The following NME7 variants were observed in gnomAD, a reference collection of about 807,000 sequenced individuals.
NME7 encodes the protein nucleoside diphosphate kinase 7.
Under a neutral mutation model 49.1 loss-of-function variants are expected in NME7, and 41 were observed. That is an observed-to-expected ratio of 0.83 (90% CI 0.65 to 1.08). The LOEUF (loss-of-function observed/expected upper bound fraction) is 1.08. Ranked by LOEUF, NME7 falls within the 50% of genes least tolerant of loss-of-function variation. The probability of loss-of-function intolerance (pLI) is 0.00; values close to 1 mark genes in which losing one functional copy is unlikely to be tolerated. For synonymous variants in NME7, 139 were observed against 150.6 expected (o/e 0.92, Z 0.56); for missense variants, 423 against 463.4 (o/e 0.91, Z 0.80).
intron 5 of NME7, among the ~76,000 whole-genome samples, chr1:169,302,592 C>A (rs973357724): frequency 6.6e-6 from 1 of 152,008 alleles, no homozygotes; most frequent in Admixed American, 6.6e-5. Flanking sequence ...ATGGCAACAA[C>A]AGACACTGGG....
At chr1:169,342,915 A>ATATATATACAAGTACATATATATAGTGTG in intron 1 of NME7, among the ~76,000 whole-genome samples, 1 of 93,886 alleles carries the variant, frequency 1.1e-5, no homozygotes, top group South Asian at 3.0e-4. Context: ...TATATAGTGT[A>ATATATATACAAGTACATATATATAGTGTG]TATATATATA....
At chr1:169,337,206 C>T (rs1427718000) in intron 1 of NME7, among the ~76,000 whole-genome samples, 1 of 152,216 alleles carries the variant, frequency 6.6e-6, no homozygotes, top group South Asian at 2.1e-4. Context: ...GGCTGCAGGT[C>T]CCGAGCCGTG....
chr1:169,243,313 A>AACT (rs1422669374), intron 7 of NME7, among the ~76,000 whole-genome samples: 1 of 152,230 alleles, frequency 6.6e-6, no homozygotes, highest in Non-Finnish European at 1.5e-5. Flanking sequence ...CAAACTCAGT[A>AACT]AAGTTAGGAA....
At position 169,259,969 on chromosome 1, in the gene NME7, C is replaced by G. The variant is rs909072977; in HGVS notation, c.755-22282G>C. ...TAGAAGACTACCCTCCCTTTGATAA[C>G]AAGGCTGTTCTTCAATAACCACCAT... is the stretch of plus-strand genomic sequence containing the variant. On this transcript the variant is annotated intron_variant, in intron 7 of 11. Transcript: ENST00000367811. Among the ~76,000 whole-genome samples, 3 of 133,186 alleles carry G rather than the reference C, an allele frequency of 2.3e-5. 1 individual carries two copies. Among genetic ancestry groups the G allele is most frequent in the Non-Finnish European group, 5.3e-5 (3 of 56,608 alleles). The allele number at this position is 133,186 out of a possible 152,430, so 87.4% of individuals were successfully genotyped here.
intron 7 of NME7, among the ~76,000 whole-genome samples, chr1:169,266,912 A>G (rs1210929233): frequency 7.6e-6 from 1 of 132,224 alleles, no homozygotes. Flanking sequence ...TATTAATAAT[A>G]TAAAAATTAG....
At chr1:169,250,596 A>C (rs1307471370) in intron 7 of NME7, among the ~76,000 whole-genome samples, 1 of 151,834 alleles carries the variant, frequency 6.6e-6, no homozygotes, top group African/African-American at 2.4e-5. Flanking sequence ...CAGATTTTTT[A>C]ATGTAGGTAT....
chr1:169,164,221 A>C (rs1159629713), intron 11 of NME7, among the ~76,000 whole-genome samples: 7 of 152,172 alleles, frequency 4.6e-5, no homozygotes, highest in Non-Finnish European at 8.8e-5. Flanking sequence ...ACTGTTATAG[A>C]GTCTTCTCTA....
At chr1:169,232,782 G>GA (rs1408178424) in intron 9 of NME7, among the ~76,000 whole-genome samples, 2 of 151,378 alleles carry the variant, frequency 1.3e-5, no homozygotes, top group East Asian at 1.9e-4. Context: ...TAGGCAGAAG[G>GA]AAAAAAATGC....
chr1:169,300,297 T>C (rs1194895902), intron 5 of NME7, among the ~76,000 whole-genome samples: 1 of 152,152 alleles, frequency 6.6e-6, no homozygotes. Context: ...AAAGTGTATA[T>C]AGCTATTCTA....
chr1:169,257,725 A>G (rs564974857), intron 7 of NME7, among the ~76,000 whole-genome samples: 1 of 134,476 alleles, frequency 7.4e-6, no homozygotes, highest in Non-Finnish European at 1.7e-5. Flanking sequence ...GAGCTGGTCT[A>G]GTAGTAACAA....
chr1:169,303,049 A>G, intron 5 of NME7, 96 bp downstream of exon 5: 2 of 757,264 alleles, frequency 2.6e-6, no homozygotes, highest in Middle Eastern at 2.4e-4. Flanking sequence ...CCCTTTTGAC[A>G]GATTATTCTC....
chr1:169,307,921 A>G (rs991584043), intron 4 of NME7, among the ~76,000 whole-genome samples: 2 of 151,750 alleles, frequency 1.3e-5, no homozygotes, highest in African/African-American at 4.8e-5. Flanking sequence ...TTGGGAGGCC[A>G]AGGCAGGAGA....
At position 169,264,854 on chromosome 1, in the gene NME7, A is replaced by G. The variant is rs1247460856; in HGVS notation, c.754+22449T>C. Among the ~76,000 whole-genome samples, 13 of 133,396 alleles carry G rather than the reference A, an allele frequency of 9.7e-5. 3 individuals carry two copies. Among genetic ancestry groups the G allele is most frequent in the Admixed American group, 7.4e-4 (10 of 13,574 alleles). The allele number at this position is 133,396 out of a possible 152,430, so 87.5% of individuals were successfully genotyped here. On this transcript the variant is annotated intron_variant, in intron 7 of 11. Transcript: ENST00000367811. Reference sequence around the variant, plus strand: ...GTCCGTACTCATGCTGCTAATAAAGACATATCTGAGACCGGGTAATTTATA... The same window carrying G: ...GTCCGTACTCATGCTGCTAATAAAGGCATATCTGAGACCGGGTAATTTATA...
chr1:169,293,514 T>G (rs894599724), intron 6 of NME7, among the ~76,000 whole-genome samples: 4 of 152,166 alleles, frequency 2.6e-5, no homozygotes, highest in African/African-American at 9.7e-5. Context: ...TTGGGTCATC[T>G]CTTGAGCACT....
chr1:169,236,040 C>G (rs1001848562), intron 8 of NME7, among the ~76,000 whole-genome samples: 3 of 151,834 alleles, frequency 2.0e-5, no homozygotes, highest in Non-Finnish European at 2.9e-5. Flanking sequence ...GAAATTTCTG[C>G]CAATATGGAC....
At chr1:169,238,398 C>T (rs909335133) in intron 7 of NME7, among the ~76,000 whole-genome samples, 1 of 150,370 alleles carries the variant, frequency 6.7e-6, no homozygotes, top group Non-Finnish European at 1.5e-5. Flanking sequence ...TTTGAGATTC[C>T]ATTTGTTTCC....
chr1:169,326,312 T>C (rs902600009), intron 1 of NME7, among the ~76,000 whole-genome samples: 4 of 152,148 alleles, frequency 2.6e-5, no homozygotes, highest in Non-Finnish European at 5.9e-5. Context: ...ACAAAGTAGC[T>C]CACAGCAAAC....
chr1:169,170,782 C>T (rs1357634080), intron 10 of NME7, among the ~76,000 whole-genome samples: 1 of 152,058 alleles, frequency 6.6e-6, no homozygotes, highest in Non-Finnish European at 1.5e-5. Context: ...CAAAAATTAG[C>T]TGGGCATGGT....
At chr1:169,169,676 A>G in intron 10 of NME7, 122 bp from the exon 11 acceptor site, 2 of 821,424 alleles carry the variant, frequency 2.4e-6, no homozygotes, top group Non-Finnish European at 3.8e-6. Flanking sequence ...CAGTGCTTAT[A>G]AGGGTTTTTC....
Sources: gnomAD v4.1 joint callset for allele counts (sites outside exome capture counted in the v4.1 genomes callset) on GRCh38, gnomAD v4.1.1 for gene constraint, MANE v1.5 for transcripts, NCBI Gene and HGNC (gene_info 2026-07-23, HGNC 2026-07-21) for gene names.